PARD3B: variants seen among roughly 807,000 people sequenced by gnomAD.
PARD3B encodes the protein par-3 family cell polarity regulator beta, also known as partitioning defective 3 homolog B.
PARD3B carries 103 observed loss-of-function variants against 130.2 expected under a neutral mutation model. That is an observed-to-expected ratio of 0.79 (90% CI 0.67 to 0.93). The LOEUF (loss-of-function observed/expected upper bound fraction) is 0.93. PARD3B is among the 40% of genes least tolerant of loss of function. PARD3B has a pLI of 0.00. For missense variants in PARD3B, 1,609 were observed against 1,499.2 expected (o/e 1.07, Z -1.21); for synonymous variants, 583 against 553.2 (o/e 1.05, Z -0.76).
At chr2:205,097,901 G>A (rs1415246288) in intron 4 of PARD3B, among the ~76,000 whole-genome samples, 1 of 151,868 alleles carries the variant, frequency 6.6e-6, no homozygotes, top group Non-Finnish European at 1.5e-5. Flanking sequence ...GAAACATTTA[G>A]GGATGGTATC....
intron 18 of PARD3B, among the ~76,000 whole-genome samples, chr2:205,318,176 C>T (rs1303174863): frequency 1.3e-5 from 2 of 152,076 alleles, no homozygotes; most frequent in Non-Finnish European, 2.9e-5. Context: ...CTGTAATTTT[C>T]CACTTTAAAT....
At position 205,618,978 on chromosome 2, in the gene PARD3B, GT is replaced by G. The variant is rs2055518093; in HGVS notation, c.*3166del. On this transcript the variant is annotated 3_prime_UTR_variant, in exon 23 of 23. Coordinates refer to ENST00000406610, the MANE Select transcript of PARD3B (RefSeq NM_001302769.2). ...TATTCTTAGATCTGTAGATATATAT[GT>G]GTTGACTCCCACAGGATGGCACCAA... 1 of 152,192 alleles carries G rather than the reference GT, an allele frequency of 6.6e-6. No homozygotes were observed. The highest frequency in any genetic ancestry group is 2.4e-5 in the African/African-American group (1 of 41,450). 9.4% of individuals were successfully genotyped at this position (152,192 alleles called of 1,614,324 possible).
chr2:204,864,482 G>A (rs1429386055), intron 2 of PARD3B, among the ~76,000 whole-genome samples: 2 of 152,098 alleles, frequency 1.3e-5, no homozygotes, highest in Non-Finnish European at 2.9e-5. Context: ...TAATGCAATG[G>A]CTGTTTCTTC....
intron 19 of PARD3B, among the ~76,000 whole-genome samples, chr2:205,428,903 A>G (rs1230617343): frequency 4.6e-5 from 7 of 152,126 alleles, no homozygotes; most frequent in Admixed American, 6.5e-5. Context: ...TGGTCTCTAG[A>G]TATCATTCCC....
intron 2 of PARD3B, among the ~76,000 whole-genome samples, chr2:204,948,573 G>A (rs563488544): frequency 6.6e-6 from 1 of 152,254 alleles, no homozygotes; most frequent in East Asian, 1.9e-4. Context: ...CCAGCACACA[G>A]AGACCGAACA....
intron 20 of PARD3B, among the ~76,000 whole-genome samples, chr2:205,484,764 G>GA (rs1324104790): frequency 6.6e-6 from 1 of 152,168 alleles, no homozygotes; most frequent in Non-Finnish European, 1.5e-5. Flanking sequence ...TGAAGTGCCA[G>GA]AAAAAAAGAT....
intron 21 of PARD3B, among the ~76,000 whole-genome samples, chr2:205,536,046 A>C (rs1001042542): frequency 2.0e-5 from 3 of 152,182 alleles, no homozygotes; most frequent in African/African-American, 7.2e-5. Flanking sequence ...AATGGATCTA[A>C]AAACCTTGAA....
chr2:205,003,621 A>T (rs554690398), intron 3 of PARD3B, among the ~76,000 whole-genome samples: 2 of 152,250 alleles, frequency 1.3e-5, no homozygotes, highest in Admixed American at 6.5e-5. Context: ...GTGTTTTTCC[A>T]TAGCACGTAT....
intron 1 of PARD3B, among the ~76,000 whole-genome samples, chr2:204,662,553 A>T (rs1369340794): frequency 2.6e-5 from 4 of 152,212 alleles, no homozygotes; most frequent in Non-Finnish European, 5.9e-5. Flanking sequence ...TTCTTTGCAG[A>T]ACCATCATAC....
chr2:204,770,423 C>T (rs535406094), intron 2 of PARD3B, among the ~76,000 whole-genome samples: 1 of 147,830 alleles, frequency 6.8e-6, no homozygotes, highest in African/African-American at 2.5e-5. Context: ...TTACTTCCAA[C>T]TATGTGGTCA....
rs181532346 is a variant in PARD3B at position 204,936,242 on chromosome 2, G to A, written c.223-28910G>A. 7.2e-3 allele frequency among the ~76,000 whole-genome samples: 1,103 copies of A among 152,384 alleles called. 16 individuals carry two copies. The highest frequency in any genetic ancestry group is 0.025 in the African/African-American group (1,056 of 41,596). On this transcript the variant is annotated intron_variant, in intron 2 of 22. Transcript: ENST00000406610. ...ATGGGCCACGTGCTGTGTGGTCGGGGAGTCATCAGCGGAAACTTTGGTGAC... is the reference window on the plus strand; with the variant it reads ...ATGGGCCACGTGCTGTGTGGTCGGGAAGTCATCAGCGGAAACTTTGGTGAC...
At chr2:204,948,751 C>T (rs1448832107) in intron 2 of PARD3B, among the ~76,000 whole-genome samples, 1 of 152,160 alleles carries the variant, frequency 6.6e-6, no homozygotes, top group African/African-American at 2.4e-5. Context: ...TTGTCTTAGT[C>T]CAATAAAAAT....
chr2:204,723,606 C>T (rs1013691662), intron 2 of PARD3B, among the ~76,000 whole-genome samples: 5 of 152,072 alleles, frequency 3.3e-5, no homozygotes, highest in African/African-American at 1.2e-4. Flanking sequence ...AAGCCACATT[C>T]TGTTTTTAAG....
rs111285907 is a variant in PARD3B, at chr2:205,249,181, T to C, written c.2185+3359T>C. On this transcript the variant is annotated intron_variant, in intron 16 of 22. Transcript: ENST00000406610. ...TGTGTGTGGTGCCCGGCTAATTTTT[T>C]TTTTTTTTTGTATTTTTTTTTTATG... Among the ~76,000 whole-genome samples the C allele has an allele frequency of 9.5e-3, 1,412 of 148,768 alleles. 25 individuals are homozygous for C. Among genetic ancestry groups the C allele is most frequent in the African/African-American group, 0.018 (723 of 40,058 alleles).
intron 2 of PARD3B, among the ~76,000 whole-genome samples, chr2:204,761,705 A>C (rs1313116569): frequency 6.6e-6 from 1 of 152,162 alleles, no homozygotes; most frequent in Non-Finnish European, 1.5e-5. Flanking sequence ...ATCTTTGCTT[A>C]GAAAGCTTAC....
chr2:205,072,438 A>G (rs1700799060), intron 4 of PARD3B, among the ~76,000 whole-genome samples: 1 of 151,970 alleles, frequency 6.6e-6, no homozygotes, highest in Non-Finnish European at 1.5e-5. Flanking sequence ...TTTGGTAGAG[A>G]CGGGGTTTCA....
intron 2 of PARD3B, among the ~76,000 whole-genome samples, chr2:204,846,317 T>G (rs1266216144): frequency 2.6e-5 from 4 of 152,028 alleles, no homozygotes; most frequent in African/African-American, 7.3e-5. Flanking sequence ...TGCTAAAGCC[T>G]TTTTGGTAGG....
intron 18 of PARD3B, among the ~76,000 whole-genome samples, chr2:205,346,441 G>A (rs1194423798): frequency 6.6e-6 from 1 of 151,780 alleles, no homozygotes; most frequent in Admixed American, 6.6e-5. Flanking sequence ...TCAGGGTTGA[G>A]GAAAAAAGGA....
At chr2:204,961,914 A>T (rs1184455326) in intron 2 of PARD3B, among the ~76,000 whole-genome samples, 7 of 152,136 alleles carry the variant, frequency 4.6e-5, no homozygotes, top group Non-Finnish European at 2.9e-5. Context: ...GCTTCATTAA[A>T]GAATGGGAGG....
Sources: gnomAD v4.1 joint callset for allele counts (sites outside exome capture counted in the v4.1 genomes callset) on GRCh38, gnomAD v4.1.1 for gene constraint, MANE v1.5 for transcripts, NCBI Gene and HGNC (gene_info 2026-07-23, HGNC 2026-07-21) for gene names.